The following FBXL20 variants were observed in gnomAD, a reference collection of about 807,000 sequenced individuals.
FBXL20 encodes F-box and leucine rich repeat protein 20, also known as F-box/LRR-repeat protein 20.
A neutral mutation model predicts 64.0 loss-of-function variants in FBXL20; 11 were observed. That is an observed-to-expected ratio of 0.17 (90% CI 0.11 to 0.28). The LOEUF (loss-of-function observed/expected upper bound fraction) is 0.28. Among genes scored for constraint, FBXL20 ranks in the 10% least tolerant of loss-of-function variants. The probability of loss-of-function intolerance (pLI) is 1.00; values close to 1 mark genes in which losing one functional copy is unlikely to be tolerated. For missense variants in FBXL20, 303 were observed against 526.2 expected (o/e 0.58, Z 4.15); for synonymous variants, 184 against 189.0 (o/e 0.97, Z 0.22).
chr17:39,257,614 AAC>A lies in FBXL20; in HGVS notation c.*3844_*3845del, dbSNP rs1376994156. 6.6e-6 allele frequency: 1 copy of A among 152,258 alleles called. No homozygotes were observed. The highest frequency in any genetic ancestry group is 1.9e-4 in the East Asian group (1 of 5,206). The allele number at this position is 152,258 out of a possible 1,614,324, so 9.4% of individuals were successfully genotyped here. ...CCATATCCCTTTCTTCCTCATATCC[AAC>A]AGTTTGCTTTTAAACTGAATTCAAA... On this transcript the variant is annotated 3_prime_UTR_variant, in exon 15 of 15. Coordinates refer to ENST00000264658, the MANE Select transcript of FBXL20 (RefSeq NM_032875.3).
intron 14 of FBXL20, among the ~76,000 whole-genome samples, chr17:39,262,232 T>C (rs924206438): frequency 2.0e-5 from 3 of 152,142 alleles, no homozygotes; most frequent in African/African-American, 4.8e-5. Context: ...AAGATGAAGT[T>C]TGGTACTCTT....
At chr17:39,378,420 C>G (rs974332343) in intron 1 of FBXL20, among the ~76,000 whole-genome samples, 1 of 152,058 alleles carries the variant, frequency 6.6e-6, no homozygotes, top group African/African-American at 2.4e-5. Context: ...GTCTGAGCAA[C>G]AGAGCAAAAC....
chr17:39,302,727 C>A (rs926186485), intron 3 of FBXL20, among the ~76,000 whole-genome samples: 1 of 152,032 alleles, frequency 6.6e-6, no homozygotes, highest in Non-Finnish European at 1.5e-5. Context: ...CCAGGTTAGT[C>A]TTGAACTCCT....
chr17:39,337,901 C>T (rs1032765673), intron 2 of FBXL20, among the ~76,000 whole-genome samples: 8 of 151,212 alleles, frequency 5.3e-5, no homozygotes, highest in South Asian at 2.1e-4. Flanking sequence ...GCCACCCTAT[C>T]CGGGAGGGAG....
intron 1 of FBXL20, among the ~76,000 whole-genome samples, chr17:39,348,433 C>T (rs936072395): frequency 3.3e-5 from 5 of 151,436 alleles, no homozygotes; most frequent in African/African-American, 1.2e-4. Flanking sequence ...GCAGTCCAGC[C>T]TGGCGACAGA....
At chr17:39,305,242 C>CAA (rs1185887650) in intron 2 of FBXL20, among the ~76,000 whole-genome samples, 2 of 152,114 alleles carry the variant, frequency 1.3e-5, no homozygotes, top group African/African-American at 4.8e-5. Flanking sequence ...TTACAAGACT[C>CAA]CTTTAACACA....
rs2046671182 is a variant in FBXL20, at chr17:39,253,803, A to G, written c.*7657T>C. ...CAAAGGTTTCACTTACTAAAAATCT[A>G]TTATATAGGAAAGAAAATTATTTGT... is the stretch of plus-strand genomic sequence containing the variant. On this transcript the variant is annotated 3_prime_UTR_variant, in exon 15 of 15. Transcript: ENST00000264658. The G allele has an allele frequency of 6.6e-6, 1 of 152,244 alleles. No individual in the cohort carries two copies. Among genetic ancestry groups the G allele is most frequent in the African/African-American group, 2.4e-5 (1 of 41,452 alleles). The allele number at this position is 152,244 out of a possible 1,614,324, so 9.4% of individuals were successfully genotyped here. A position where few individuals can be genotyped will look rare whatever the true frequency, so the allele number is the denominator to read the frequency against.
chr17:39,317,475 C>T (rs1160539194), intron 2 of FBXL20, among the ~76,000 whole-genome samples: 2 of 152,016 alleles, frequency 1.3e-5, no homozygotes, highest in Non-Finnish European at 2.9e-5. Context: ...CGTGATCCGA[C>T]CGTCTCTGCC....
At chr17:39,363,601 G>A (rs1253909623) in intron 1 of FBXL20, among the ~76,000 whole-genome samples, 1 of 151,752 alleles carries the variant, frequency 6.6e-6, no homozygotes, top group Non-Finnish European at 1.5e-5. Context: ...AGGATTGCCA[G>A]GAATTCCAGA....
chr17:39,289,998 C>CAAAAAAAA lies in FBXL20; in HGVS notation c.399-4433_399-4426dup, dbSNP rs368530587. On this transcript the variant is annotated intron_variant, in intron 6 of 14. Coordinates refer to ENST00000264658, the MANE Select transcript of FBXL20 (RefSeq NM_032875.3). ...TGGGCAATAGTGCGAGACTCAGTCT[C>CAAAAAAAA]AAAAAAAAAAAAAAAAAAAAAAAAA... Among the ~76,000 whole-genome samples the CAAAAAAAA allele has an allele frequency of 2.6e-3, 110 of 41,870 alleles. 6 individuals are homozygous for CAAAAAAAA. Among genetic ancestry groups the CAAAAAAAA allele is most frequent in the African/African-American group, 7.8e-3 (105 of 13,390 alleles). 27.5% of individuals were successfully genotyped at this position (41,870 alleles called of 152,430 possible).
intron 9 of FBXL20, 48 bp downstream of exon 9, chr17:39,281,341 A>C: frequency 6.4e-7 from 1 of 1,551,020 alleles, no homozygotes; most frequent in Non-Finnish European, 8.8e-7. Context: ...TAAAAATTTT[A>C]ATGAAATGAA....
chr17:39,402,084 G>T (rs1203455946), upstream of FBXL20: 3 of 1,130,068 alleles, frequency 2.7e-6, no homozygotes, highest in East Asian at 3.2e-5. Flanking sequence ...CTCTGCCCGC[G>T]CCCGTCGCCC....
chr17:39,391,268 A>T (rs1020301756), intron 1 of FBXL20, among the ~76,000 whole-genome samples: 2 of 151,500 alleles, frequency 1.3e-5, no homozygotes, highest in African/African-American at 4.8e-5. Flanking sequence ...AAAAAAAAAA[A>T]ATTATTAAGA....
At position 39,367,617 on chromosome 17, in the gene FBXL20, A is replaced by C. The variant is rs114035842; in HGVS notation, c.43-24376T>G. Among the ~76,000 whole-genome samples, 439 of 151,980 alleles carry C rather than the reference A, an allele frequency of 2.9e-3. 3 individuals carry two copies. Among genetic ancestry groups the C allele is most frequent in the African/African-American group, 0.01 (423 of 41,474 alleles). ...CAGGCATGAGCCACCATACCCAGTG[A>C]ATCTTTAATTTGTTAAATAATTTTT... is the stretch of plus-strand genomic sequence containing the variant. On this transcript the variant is annotated intron_variant, in intron 1 of 14. Transcript: ENST00000264658.
At chr17:39,402,008 C>T (rs968421396), upstream of FBXL20, 43 of 570,742 alleles carry the variant, frequency 7.5e-5, no homozygotes, top group Non-Finnish European at 1.1e-4. Flanking sequence ...CCCTCTTCTG[C>T]CCCGTGTCCC....
rs573857953 is a variant in FBXL20 at position 39,295,786 on chromosome 17, T to G, written c.398+1341A>C. ...TTTTGAAAATATGCAAATATGGAGA[T>G]ATATATATATATATATATATTAAGT... On this transcript the variant is annotated intron_variant, in intron 6 of 14. Coordinates refer to ENST00000264658, the MANE Select transcript of FBXL20 (RefSeq NM_032875.3). Among the ~76,000 whole-genome samples, 265 of 131,238 alleles carry G rather than the reference T, an allele frequency of 2.0e-3. 3 individuals carry two copies. The highest frequency in any genetic ancestry group is 3.7e-3 in the Middle Eastern group (1 of 268). The allele number at this position is 131,238 out of a possible 152,430, so 86.1% of individuals were successfully genotyped here. A position where few individuals can be genotyped will look rare whatever the true frequency, so the allele number is the denominator to read the frequency against.
At chr17:39,357,449 A>G (rs2047753338) in intron 1 of FBXL20, among the ~76,000 whole-genome samples, 1 of 152,040 alleles carries the variant, frequency 6.6e-6, no homozygotes, top group South Asian at 2.1e-4. Flanking sequence ...CATGCCTCTC[A>G]TTCTGTATGT....
intron 1 of FBXL20, among the ~76,000 whole-genome samples, chr17:39,352,219 C>T (rs2047694081): frequency 6.6e-6 from 1 of 151,888 alleles, no homozygotes; most frequent in South Asian, 2.1e-4. Flanking sequence ...GGAAAAGGGC[C>T]GAAAGGTTGA....
intron 1 of FBXL20, among the ~76,000 whole-genome samples, chr17:39,376,917 C>T (rs1399288528): frequency 1.3e-5 from 2 of 152,112 alleles, no homozygotes; most frequent in East Asian, 3.9e-4. Flanking sequence ...CTAACTTAAC[C>T]GACTCCACCT....
Sources: gnomAD v4.1 joint callset for allele counts (sites outside exome capture counted in the v4.1 genomes callset) on GRCh38, gnomAD v4.1.1 for gene constraint, MANE v1.5 for transcripts, NCBI Gene and HGNC (gene_info 2026-07-23, HGNC 2026-07-21) for gene names.